The following TRIP11 variants were observed in gnomAD, a reference collection of about 807,000 sequenced individuals.
TRIP11 encodes the protein thyroid receptor-interacting protein 11.
In TRIP11, 148 loss-of-function variants were observed where a neutral mutation model predicts 223.1. The observed-to-expected ratio is 0.66, with a 90% confidence interval of 0.58 to 0.76. The LOEUF (loss-of-function observed/expected upper bound fraction) is 0.76, where lower values mean the gene tolerates loss of function less well. Ranked by LOEUF, TRIP11 falls within the 30% of genes least tolerant of loss-of-function variation. The probability of loss-of-function intolerance (pLI) is 0.00; values close to 1 mark genes in which losing one functional copy is unlikely to be tolerated. For synonymous variants in TRIP11, 762 were observed against 772.6 expected (o/e 0.99, Z 0.23); for missense variants, 2,043 against 2,222.0 (o/e 0.92, Z 1.62).
At chr14:92,007,930 A>C in intron 9 of TRIP11, 78 bp from the exon 10 acceptor site, 1 of 1,137,848 alleles carries the variant, frequency 8.8e-7, no homozygotes, top group Non-Finnish European at 1.3e-6. Flanking sequence ...CATAGAAGCA[A>C]AACTTGGGAT....
chr14:91,975,107 T>C (rs1243285680), intron 18 of TRIP11, 65 bp downstream of exon 18: 2 of 1,387,342 alleles, frequency 1.4e-6, no homozygotes, highest in Non-Finnish European at 2.1e-6. Flanking sequence ...TAAAAGGAAG[T>C]AATTGTCTAC....
intron 1 of TRIP11, among the ~76,000 whole-genome samples, chr14:92,038,553 T>C (rs918779314): frequency 1.3e-5 from 2 of 151,992 alleles, no homozygotes; most frequent in Non-Finnish European, 2.9e-5. Flanking sequence ...ATTCAAAACA[T>C]AAGCATTATC....
rs1178571508 is a variant in TRIP11 at position 92,005,853 on chromosome 14, T to C, written c.2123A>G (p.Asn708Ser). The C allele has an allele frequency of 1.2e-6, 2 of 1,613,976 alleles. No individual in the cohort carries two copies. Among genetic ancestry groups the C allele is most frequent in the Non-Finnish European group, 8.5e-7 (1 of 1,179,990 alleles). The change falls in exon 11 of 21, where the codon AAC becomes AGC. Residue 708 changes from asparagine (N) to serine (S), a missense_variant. By Grantham distance (46) the Asn-to-Ser change is conservative. Transcript: ENST00000267622. ...CATTTTTAGAGTCTCCACAATAGTG[T>C]TTTTTTCCAGAGAAAGCTGATTGTT... ...AGNNQLSLEKNTIVETLKMEK... is the reference protein window; with the variant it reads ...AGNNQLSLEKSTIVETLKMEK...
At chr14:92,034,943 G>C (rs1016771548) in intron 1 of TRIP11, among the ~76,000 whole-genome samples, 6 of 151,808 alleles carry the variant, frequency 4.0e-5, no homozygotes, top group Non-Finnish European at 5.9e-5. Context: ...CCTTGGTTTT[G>C]TACATTTTCA....
chr14:92,015,577 G>A, intron 6 of TRIP11, 119 bp downstream of exon 6: 3 of 770,296 alleles, frequency 3.9e-6, no homozygotes, highest in Non-Finnish European at 6.0e-6. Flanking sequence ...AGAATCGCTT[G>A]AACCCGGGGG....
At position 92,015,870 on chromosome 14, in the gene TRIP11, A is replaced by G; in HGVS notation, c.658-9T>C. 2 of 1,602,504 alleles carry G rather than the reference A, an allele frequency of 1.2e-6. No homozygotes were observed. Among genetic ancestry groups the G allele is most frequent in the South Asian group, 1.1e-5 (1 of 90,216 alleles). Reference sequence around the variant, plus strand: ...CGGTTCTGTTTTAGTTCCTTAAAAAATAAAAACAAAGTTATTCACATTTAT... The same window carrying G: ...CGGTTCTGTTTTAGTTCCTTAAAAAGTAAAAACAAAGTTATTCACATTTAT... On this transcript the variant is annotated splice_polypyrimidine_tract_variant and intron_variant, in intron 5 of 20. Coordinates refer to ENST00000267622, the MANE Select transcript of TRIP11 (RefSeq NM_004239.4).
At chr14:92,036,585 T>A (rs1162365254) in intron 1 of TRIP11, among the ~76,000 whole-genome samples, 1 of 152,254 alleles carries the variant, frequency 6.6e-6, no homozygotes, top group Non-Finnish European at 1.5e-5. Context: ...TAGTGTTAGG[T>A]AAAACTGCAA....
At position 91,995,509 on chromosome 14, in the gene TRIP11, T is replaced by C. The variant is rs948128619; in HGVS notation, c.4899A>G (p.Gln1633=). The C allele has an allele frequency of 6.2e-7, 1 of 1,614,136 alleles. No individual in the cohort carries two copies. Among genetic ancestry groups the C allele is most frequent in the African/African-American group, 1.3e-5 (1 of 75,054 alleles). Residue 1633 remains glutamine (Q), a synonymous_variant, in exon 14 of 21, where the codon CAA becomes CAG. Transcript: ENST00000267622. Reference sequence around the variant, plus strand: ...GCAATGACTCTACCTGCACACTGGCTTGATGGCTTCAAACAAAAAGAATAA... The same window carrying C: ...GCAATGACTCTACCTGCACACTGGCCTGATGGCTTCAAACAAAAAGAATAA... ...SSNAMENASH[Q]ASVQVESLQE...
intron 15 of TRIP11, among the ~76,000 whole-genome samples, chr14:91,990,425 T>C (rs1490735437): frequency 6.6e-6 from 1 of 152,202 alleles, no homozygotes; most frequent in East Asian, 1.9e-4. Flanking sequence ...ATTAATTCCC[T>C]CAATTTCTTC....
In TRIP11 at chr14:92,004,535, A is replaced by G. The variant is rs757706030; in HGVS notation, c.3441T>C (p.Phe1147=). The change falls in exon 11 of 21, where the codon TTT becomes TTC. Residue 1147 remains phenylalanine, a synonymous_variant. Transcript: ENST00000267622. ...QDENKKLSTR[F]ESSGQDMFRE... ...TAAACATATCTTGGCCACTACTTTCAAATCTAGTGGACAATTTTTTATTTT... is the reference window on the plus strand; with the variant it reads ...TAAACATATCTTGGCCACTACTTTCGAATCTAGTGGACAATTTTTTATTTT... The G allele has an allele frequency of 2.5e-5, 40 of 1,613,234 alleles. No individual in the cohort carries two copies. Among genetic ancestry groups the G allele is most frequent in the Non-Finnish European group, 3.2e-5 (38 of 1,179,944 alleles).
At chr14:91,997,777 G>A (rs112066760) in intron 13 of TRIP11, among the ~76,000 whole-genome samples, 2 of 152,262 alleles carry the variant, frequency 1.3e-5, no homozygotes, top group African/African-American at 2.4e-5. Context: ...CCATCCTTGA[G>A]TCAAGACCAG....
chr14:91,998,891 A>G (rs2040949242), intron 13 of TRIP11, among the ~76,000 whole-genome samples: 1 of 152,196 alleles, frequency 6.6e-6, no homozygotes, highest in Admixed American at 6.5e-5. Context: ...GATGAAAAAT[A>G]CAACCACATA....
At chr14:91,981,657 T>A (rs1258386814) in intron 16 of TRIP11, among the ~76,000 whole-genome samples, 1 of 152,224 alleles carries the variant, frequency 6.6e-6, no homozygotes, top group African/African-American at 2.4e-5. Flanking sequence ...CCTCCCAAAG[T>A]GCTGGGATTA....
In TRIP11 at chr14:92,025,500, G is replaced by A. The variant is rs532545711; in HGVS notation, c.202-80C>T. 55 of 940,196 alleles carry A rather than the reference G, an allele frequency of 5.8e-5. No homozygotes were observed. The Middle Eastern group carries it at 6.5e-4, about 11-fold the overall frequency. The allele number at this position is 940,196 out of a possible 1,614,324, so 58.2% of individuals were successfully genotyped here. ...TTATGTGCACAGCATTATGAAAAAC[G>A]TACTGCTTTCCCCCCCCAAAAATGT... On this transcript the variant is annotated intron_variant, in intron 2 of 20. Coordinates refer to ENST00000267622, the MANE Select transcript of TRIP11 (RefSeq NM_004239.4).
intron 6 of TRIP11, 134 bp from the exon 7 acceptor site, chr14:92,014,711 A>G (rs1224565819): frequency 3.3e-6 from 3 of 916,840 alleles, no homozygotes; most frequent in Non-Finnish European, 4.7e-6. Context: ...TAATAAACTA[A>G]GTGTTTTAAA....
intron 15 of TRIP11, among the ~76,000 whole-genome samples, chr14:91,993,587 T>G (rs1395327697): frequency 6.6e-6 from 1 of 151,910 alleles, no homozygotes; most frequent in African/African-American, 2.4e-5. Flanking sequence ...CCAAAAAAAT[T>G]TAAATGTCCT....
rs1409282149 is a variant in TRIP11 at position 91,974,023 on chromosome 14, G to C, written c.5574+604C>G. Among the ~76,000 whole-genome samples the C allele has an allele frequency of 2.0e-5, 3 of 152,152 alleles. No homozygotes were observed. The East Asian group carries it at 5.8e-4, about 29-fold the overall frequency. ...AGCCTGGGCGACAGAGCGAGACTCTGTCTCAAAAAACAAAACAAAACAAAA... is the reference window on the plus strand; with the variant it reads ...AGCCTGGGCGACAGAGCGAGACTCTCTCTCAAAAAACAAAACAAAACAAAA... On this transcript the variant is annotated intron_variant, in intron 19 of 20. Transcript: ENST00000267622.
At chr14:92,000,717 G>A (rs115026902) in intron 11 of TRIP11, among the ~76,000 whole-genome samples, 1,644 of 152,280 alleles carry the variant, frequency 0.011, 26 homozygotes, top group African/African-American at 0.034. Context: ...ACGTATGTGC[G>A]TGCTGTCCAT....
chr14:92,030,574 A>G (rs2057252423), intron 2 of TRIP11: 1 of 152,050 alleles, frequency 6.6e-6, no homozygotes, highest in African/African-American at 2.4e-5. Flanking sequence ...TTTAGTAGAG[A>G]CAGGGTTTCT....
Sources: gnomAD v4.1 joint callset for allele counts (sites outside exome capture counted in the v4.1 genomes callset) on GRCh38, gnomAD v4.1.1 for gene constraint, MANE v1.5 for transcripts, NCBI Gene and HGNC (gene_info 2026-07-23, HGNC 2026-07-21) for gene names.